Variants in RANBP2 observed in about 807,000 individuals in gnomAD.
RANBP2 encodes the protein E3 SUMO-protein ligase RanBP2.
A neutral mutation model predicts 303.6 loss-of-function variants in RANBP2; 57 were observed. That is an observed-to-expected ratio of 0.19 (90% CI 0.15 to 0.23). The LOEUF (loss-of-function observed/expected upper bound fraction) is 0.23, where lower values mean the gene tolerates loss of function less well. Among genes scored for constraint, RANBP2 ranks in the 10% least tolerant of loss-of-function variants. RANBP2 has a pLI of 1.00. For synonymous variants in RANBP2, 1,167 were observed against 1,301.5 expected (o/e 0.90, Z 2.23); for missense variants, 3,138 against 3,780.8 (o/e 0.83, Z 4.46).
the RANBP2 span, among the ~76,000 whole-genome samples, chr2:109,447,922 G>T: frequency 6.6e-6 from 1 of 152,190 alleles, no homozygotes; most frequent in Non-Finnish European, 1.5e-5. Flanking sequence ...TGGAAGCCCG[G>T]TGCTTCGACA....
chr2:109,635,393 G>A, the RANBP2 span, among the ~76,000 whole-genome samples: 2 of 152,172 alleles, frequency 1.3e-5, no homozygotes, highest in African/African-American at 4.8e-5. Context: ...ATGTTGGCCA[G>A]GCTGGCCTCG....
chr2:109,612,238 A>G, the RANBP2 span, among the ~76,000 whole-genome samples: 73 of 152,350 alleles, frequency 4.8e-4, no homozygotes, highest in African/African-American at 1.4e-3. Context: ...ATTCCATTAT[A>G]TAAGTCTTGG....
the RANBP2 span, chr2:109,564,626 A>G: frequency 7.2e-6 from 8 of 1,116,122 alleles, no homozygotes; most frequent in Non-Finnish European, 9.6e-6. Context: ...AAATGAAAAC[A>G]TGTGAAACAA....
the RANBP2 span, among the ~76,000 whole-genome samples, chr2:109,175,824 C>T: frequency 6.6e-6 from 1 of 152,180 alleles, no homozygotes; most frequent in Admixed American, 6.5e-5. Context: ...TGTAAGCTGC[C>T]ATGCCAGTAA....
the RANBP2 span, among the ~76,000 whole-genome samples, chr2:109,281,748 G>T: frequency 6.6e-6 from 1 of 152,146 alleles, no homozygotes; most frequent in Non-Finnish European, 1.5e-5. Flanking sequence ...GTGGGTGCAG[G>T]CCCAGAGAGC....
At chr2:108,792,321 G>A in the RANBP2 span, among the ~76,000 whole-genome samples, 233 of 152,180 alleles carry the variant, frequency 1.5e-3, no homozygotes, top group Admixed American at 2.7e-3. Context: ...CCTCTCCTTT[G>A]TTTTCCTTTG....
At chr2:108,864,591 A>C in the RANBP2 span, among the ~76,000 whole-genome samples, 9 of 152,012 alleles carry the variant, frequency 5.9e-5, no homozygotes, top group South Asian at 1.0e-3. Context: ...AGGTTAGGAG[A>C]TCGAGAGCAG....
the RANBP2 span, among the ~76,000 whole-genome samples, chr2:109,381,093 C>T: frequency 6.6e-6 from 1 of 152,346 alleles, no homozygotes; most frequent in African/African-American, 2.4e-5. Flanking sequence ...CTACCACTTG[C>T]TGAGTGCAGA....
chr2:108,991,966 ATTT>A, the RANBP2 span, among the ~76,000 whole-genome samples: 1 of 151,916 alleles, frequency 6.6e-6, no homozygotes. Context: ...CTCCCATCTA[ATTT>A]TTGTATTTTT....
the RANBP2 span, chr2:109,574,441 T>G: frequency 2.1e-5 from 7 of 335,934 alleles, no homozygotes; most frequent in Non-Finnish European, 2.5e-5. Context: ...TGACTTTATC[T>G]CTAAAAAAAA....
the RANBP2 span, among the ~76,000 whole-genome samples, chr2:108,880,415 CTT>C: frequency 6.6e-6 from 1 of 152,178 alleles, no homozygotes; most frequent in African/African-American, 2.4e-5. Context: ...TACCAACTAA[CTT>C]TCTCCCATGA....
chr2:109,555,425 G>C, the RANBP2 span, among the ~76,000 whole-genome samples: 1 of 152,016 alleles, frequency 6.6e-6, no homozygotes, highest in Non-Finnish European at 1.5e-5. Flanking sequence ...TACCCCTCAA[G>C]GGCAAATTCA....
the RANBP2 span, among the ~76,000 whole-genome samples, chr2:109,457,785 G>A: frequency 6.6e-6 from 1 of 152,162 alleles, no homozygotes; most frequent in Admixed American, 6.5e-5. Context: ...AAAACTCAGT[G>A]ATGGCATTAG....
At chr2:108,988,100 G>A in the RANBP2 span, among the ~76,000 whole-genome samples, 2 of 152,192 alleles carry the variant, frequency 1.3e-5, no homozygotes, top group Non-Finnish European at 2.9e-5. Context: ...CCTCACATGC[G>A]TGTACCCCTG....
the RANBP2 span, among the ~76,000 whole-genome samples, chr2:108,996,356 G>A: frequency 6.6e-6 from 1 of 152,178 alleles, no homozygotes; most frequent in Admixed American, 6.5e-5. Flanking sequence ...ATCCCAAACT[G>A]GGCTGGACAC....
At chr2:109,560,828 C>T in the RANBP2 span, among the ~76,000 whole-genome samples, 1 of 152,118 alleles carries the variant, frequency 6.6e-6, no homozygotes, top group East Asian at 1.9e-4. Context: ...CTTCTAGCCT[C>T]CTGCTTTCTC....
intron 6 of RANBP2, among the ~76,000 whole-genome samples, chr2:108,739,264 A>G (rs1044695137): frequency 2.6e-5 from 4 of 152,136 alleles, no homozygotes; most frequent in Admixed American, 6.5e-5. Context: ...TTAGCCGGGT[A>G]TGTTGGCACG....
the RANBP2 span, among the ~76,000 whole-genome samples, chr2:109,512,191 C>T: frequency 6.6e-6 from 1 of 152,166 alleles, no homozygotes; most frequent in African/African-American, 2.4e-5. Context: ...GCCTGGGACC[C>T]TGGCCCTCCT....
chr2:108,741,630 C>T (rs1484004956), intron 7 of RANBP2, among the ~76,000 whole-genome samples: 7 of 150,644 alleles, frequency 4.6e-5, no homozygotes, highest in South Asian at 2.1e-4. Context: ...CTCAGCCTCC[C>T]GAGTAGCTGG....
Sources: allele counts gnomAD v4.1 joint callset (sites outside exome capture counted in the v4.1 genomes callset), GRCh38; gene constraint gnomAD v4.1.1; transcripts MANE v1.5; gene names NCBI Gene and HGNC (gene_info 2026-07-23, HGNC 2026-07-21).